SIK3: variants seen among roughly 807,000 people sequenced by gnomAD.
SIK3 encodes the protein SIK family kinase 3, also known as serine/threonine-protein kinase SIK3.
In SIK3, 28 loss-of-function variants were observed where a neutral mutation model predicts 144.2. The observed-to-expected ratio is 0.19, with a 90% CI of 0.14 to 0.27. SIK3 has a LOEUF of 0.27. Among genes scored for constraint, SIK3 ranks in the 10% least tolerant of loss-of-function variants. SIK3 has a pLI of 1.00. For missense variants in SIK3, 1,319 were observed against 1,776.0 expected (o/e 0.74, Z 4.62); for synonymous variants, 686 against 676.3 (o/e 1.01, Z -0.22).
chr11:116,950,036 T>C, intron 3 of SIK3: 1 of 457,240 alleles, frequency 2.2e-6, no homozygotes, highest in South Asian at 1.6e-5. Context: ...CAGCCTGGGG[T>C]CCTCTCAGCT....
chr11:116,873,679 G>C, intron 12 of SIK3, 43 bp from the exon 13 acceptor site: 1 of 1,520,472 alleles, frequency 6.6e-7, no homozygotes, highest in Non-Finnish European at 8.8e-7. Flanking sequence ...GAGATGAGGG[G>C]AAGGCGGGGA....
Position 116,858,424 on chromosome 11 carries a change from G to A in SIK3, c.3041C>T (p.Pro1014Leu). Residue 1014 changes from proline (P) to leucine (L), a missense_variant, in exon 21 of 25, where the codon CCC becomes CTC. Transcript: ENST00000445177. This position sits in a 1 kb window ranked among gnomAD's most constrained non-coding sequence, Gnocchi z 5.4. ...PPDYTRHQQVPHILQGLLSPR... is the reference protein window; with the variant it reads ...PPDYTRHQQVLHILQGLLSPR... ...AGAAAGCAGTCCTTGAAGGATGTGG[G>A]GTACCTGCTGGTGTCTTGTATAGTC... The A allele has an allele frequency of 6.2e-7, 1 of 1,610,960 alleles. No individual in the cohort carries two copies. The highest frequency in any genetic ancestry group is 8.5e-7 in the Non-Finnish European group (1 of 1,178,382).
In SIK3 at chr11:117,098,193, C is replaced by A; in HGVS notation, c.223G>T (p.Gly75Cys). 1 of 1,523,862 alleles carries A rather than the reference C, an allele frequency of 6.6e-7. No individual in the cohort carries two copies. The highest frequency in any genetic ancestry group is 1.8e-5 in the Admixed American group (1 of 54,248). The allele number at this position is 1,523,862 out of a possible 1,614,324, so 94.4% of individuals were successfully genotyped here. A position where few individuals can be genotyped will look rare whatever the true frequency, so the allele number is the denominator to read the frequency against. The change falls in exon 1 of 25, where the codon GGC becomes TGC. Residue 75 changes from glycine to cysteine, a missense_variant. Physicochemically the swap from Gly to Cys is radical, Grantham distance 159. Transcript: ENST00000445177. ...GCCCGCTTGACCACCGCGAAGTTGCCCTTGCCGATGGTGCGGTCGATCTCG... is the reference window on the plus strand; with the variant it reads ...GCCCGCTTGACCACCGCGAAGTTGCACTTGCCGATGGTGCGGTCGATCTCG... ...YYEIDRTIGK[G>C]NFAVVKRATH...
Position 116,862,339 on chromosome 11 carries a change from G to A in SIK3, c.2104-12C>T, listed in dbSNP as rs1031144771. 6.2e-7 allele frequency: 1 copy of A among 1,614,144 alleles called. No individual in the cohort carries two copies. Among genetic ancestry groups the A allele is most frequent in the South Asian group, 1.1e-5 (1 of 91,074 alleles). ...AGCTGCTCACACTCCTGAAGGGAAA[G>A]TAGTTAATACAGATGGGATGCAGCC... is the stretch of plus-strand genomic sequence containing the variant. On this transcript the variant is annotated splice_polypyrimidine_tract_variant and intron_variant, in intron 16 of 24. Transcript: ENST00000445177.
chr11:116,970,128 T>C (rs558755147), intron 1 of SIK3, among the ~76,000 whole-genome samples: 1 of 152,106 alleles, frequency 6.6e-6, no homozygotes, highest in East Asian at 1.9e-4. Flanking sequence ...AAATTTCAAA[T>C]TGGTTGGGCA....
At chr11:116,986,277 T>G (rs904202161) in intron 1 of SIK3, among the ~76,000 whole-genome samples, 3 of 152,224 alleles carry the variant, frequency 2.0e-5, no homozygotes, top group African/African-American at 7.2e-5. Context: ...CTCTGCAACT[T>G]AGTCTCTTAC....
In SIK3 at chr11:117,016,258, G is replaced by A. The variant is rs550663997; in HGVS notation, c.274-59194C>T. The stretch of plus-strand genomic sequence containing the variant: ...GGAGAATCGCTCGAACCCAGGAGGC[G>A]GCCCTTGCAGTGAGCCGCGATCACG... On this transcript the variant is annotated intron_variant, in intron 1 of 24. Coordinates refer to ENST00000445177, the MANE Select transcript of SIK3 (RefSeq NM_001366686.3). 1.4e-3 allele frequency among the ~76,000 whole-genome samples: 205 copies of A among 149,618 alleles called. 1 individual carries two copies. The highest frequency in any genetic ancestry group is 7.0e-3 in the East Asian group (35 of 4,998).
chr11:117,022,428 C>T (rs1383253655), intron 1 of SIK3, among the ~76,000 whole-genome samples: 1 of 152,082 alleles, frequency 6.6e-6, no homozygotes. Context: ...TAAAAAAAGA[C>T]AAAAAGCCTA....
chr11:116,958,832 C>T (rs767506382), intron 1 of SIK3, among the ~76,000 whole-genome samples: 7 of 152,126 alleles, frequency 4.6e-5, no homozygotes, highest in African/African-American at 9.7e-5. Flanking sequence ...CATACAAGAC[C>T]TTAACTCCAC....
chr11:116,925,449 C>A (rs1947225984), intron 4 of SIK3, among the ~76,000 whole-genome samples: 1 of 152,170 alleles, frequency 6.6e-6, no homozygotes, highest in Non-Finnish European at 1.5e-5. Context: ...CCTTTAGAAG[C>A]TAAAAAAGGC....
intron 6 of SIK3, among the ~76,000 whole-genome samples, chr11:116,895,634 A>AT (rs1279323720): frequency 6.6e-6 from 1 of 152,240 alleles, no homozygotes; most frequent in East Asian, 1.9e-4. Context: ...ATAAATGGTG[A>AT]TAAAATACTG....
At position 116,920,057 on chromosome 11, in the gene SIK3, C is replaced by A. The variant is rs12224143; in HGVS notation, c.616+7162G>T. On this transcript the variant is annotated intron_variant, in intron 4 of 24. Coordinates refer to ENST00000445177, the MANE Select transcript of SIK3 (RefSeq NM_001366686.3). ...GAATTGGATTAATTAAGCCTTATAT[C>A]TTATATTCAAATGATTTCAATCTAA... Among the ~76,000 whole-genome samples the A allele has an allele frequency of 5.5e-4, 84 of 152,022 alleles. No individual in the cohort carries two copies. The East Asian group carries it at 0.015, about 28-fold the overall frequency.
chr11:117,032,858 A>G (rs968673239), intron 1 of SIK3, among the ~76,000 whole-genome samples: 3 of 152,160 alleles, frequency 2.0e-5, no homozygotes, highest in African/African-American at 7.2e-5. Context: ...AATAGGCTAT[A>G]TATCATTAAT....
intron 14 of SIK3, 134 bp from the exon 15 acceptor site, chr11:116,868,223 T>A (rs1943758494): frequency 8.8e-7 from 1 of 1,138,304 alleles, no homozygotes; most frequent in African/African-American, 1.5e-5. Context: ...GGCAAACAGA[T>A]CCCTGCCTGG....
At chr11:116,873,762 CGCTCACCCGA>C in intron 12 of SIK3, 126 bp from the exon 13 acceptor site, 1 of 1,462,956 alleles carries the variant, frequency 6.8e-7, no homozygotes, top group Non-Finnish European at 9.2e-7. Flanking sequence ...GGACGCTTCC[CGCTCACCCGA>C]GCTACTTTGC....
chr11:116,873,761 C>T (rs1350511304), intron 12 of SIK3, 125 bp from the exon 13 acceptor site: 20 of 1,461,180 alleles, frequency 1.4e-5, no homozygotes, highest in Admixed American at 4.7e-5. Flanking sequence ...AGGACGCTTC[C>T]CGCTCACCCG....
Position 116,875,315 on chromosome 11 carries a change from A to G in SIK3, c.1318-48T>C, listed in dbSNP as rs186538675. On this transcript the variant is annotated intron_variant, in intron 10 of 24. Coordinates refer to ENST00000445177, the MANE Select transcript of SIK3 (RefSeq NM_001366686.3). ...CGAGTTAGAAATCAGAAGGAAGGGA[A>G]GCAAGGATATGGCAAAGAAAGTGGT... 5.0e-6 allele frequency: 8 copies of G among 1,613,120 alleles called. No homozygotes were observed. The African/African-American group carries it at 1.1e-4, about 21-fold the overall frequency.
chr11:116,953,553 CAAAATTACA>C (rs1949030595), intron 3 of SIK3, among the ~76,000 whole-genome samples: 2 of 152,164 alleles, frequency 1.3e-5, no homozygotes, highest in African/African-American at 2.4e-5. Context: ...GCAGAACCCC[CAAAATTACA>C]AGAATTACTG....
intron 4 of SIK3, among the ~76,000 whole-genome samples, chr11:116,915,933 G>A (rs1946612678): frequency 6.6e-6 from 1 of 152,210 alleles, no homozygotes; most frequent in African/African-American, 2.4e-5. Flanking sequence ...TAAATGGAAT[G>A]ACCAAGTCAT....
Sources: allele counts gnomAD v4.1 joint callset (sites outside exome capture counted in the v4.1 genomes callset), GRCh38; gene constraint gnomAD v4.1.1; non-coding constraint Gnocchi (gnomAD v3.1); transcripts MANE v1.5; gene names NCBI Gene and HGNC (gene_info 2026-07-23, HGNC 2026-07-21).